The following DPF3 variants were observed in gnomAD, a reference collection of about 807,000 sequenced individuals.
DPF3 encodes the protein double PHD fingers 3.
DPF3 carries 18 observed loss-of-function variants against 56.8 expected under a neutral mutation model. That is an observed-to-expected ratio of 0.32 (90% confidence interval 0.22 to 0.47). The LOEUF is 0.47. Ranked by LOEUF, DPF3 falls within the 20% of genes least tolerant of loss-of-function variation. DPF3 has a pLI of 1.00. For synonymous variants in DPF3, 188 were observed against 180.2 expected, an observed-to-expected ratio of 1.04 and a Z score of -0.35; for missense variants, 403 against 488.8, an observed-to-expected ratio of 0.82 and a Z score of 1.65.
At chr14:72,622,416 A>G (rs755129179) in intron 9 of DPF3, among the ~76,000 whole-genome samples, 3 of 152,206 alleles carry the variant, frequency 2.0e-5, no homozygotes, top group African/African-American at 4.8e-5. Flanking sequence ...CTACAGGACA[A>G]TTTGATTTAG....
At chr14:72,699,072 A>T (rs964000149) in intron 6 of DPF3, among the ~76,000 whole-genome samples, 1 of 152,158 alleles carries the variant, frequency 6.6e-6, no homozygotes, top group Non-Finnish European at 1.5e-5. Context: ...TAGATTTTGG[A>T]GCTGGCAGGG....
At chr14:72,801,410 T>C (rs1892886044) in intron 1 of DPF3, among the ~76,000 whole-genome samples, 1 of 152,204 alleles carries the variant, frequency 6.6e-6, no homozygotes, top group Non-Finnish European at 1.5e-5. Flanking sequence ...GGACAAGGCC[T>C]GTCCCTCAGC....
chr14:72,840,666 G>A (rs1360251850), intron 1 of DPF3, among the ~76,000 whole-genome samples: 1 of 152,054 alleles, frequency 6.6e-6, no homozygotes, highest in African/African-American at 2.4e-5. Context: ...CCTTTTAATG[G>A]TTCTGTTATA....
chr14:72,626,093 G>A (rs1027232185), intron 9 of DPF3, among the ~76,000 whole-genome samples: 4 of 151,918 alleles, frequency 2.6e-5, no homozygotes, highest in South Asian at 2.1e-4. Flanking sequence ...ATCTATTTAC[G>A]TTATACTGTT....
chr14:72,782,634 A>G (rs1197206072), intron 1 of DPF3, among the ~76,000 whole-genome samples: 2 of 152,210 alleles, frequency 1.3e-5, no homozygotes, highest in Non-Finnish European at 2.9e-5. Flanking sequence ...GGAGTTCGAG[A>G]TCAGCCTGGC....
At chr14:72,890,144 T>C in intron 1 of DPF3, among the ~76,000 whole-genome samples, 1 of 152,146 alleles carries the variant, frequency 6.6e-6, no homozygotes, top group Middle Eastern at 3.2e-3. Context: ...GATTGCAGAT[T>C]TGGGGGAAGG....
At chr14:72,854,556 A>T (rs1398005789) in intron 1 of DPF3, among the ~76,000 whole-genome samples, 1 of 152,216 alleles carries the variant, frequency 6.6e-6, no homozygotes, top group Non-Finnish European at 1.5e-5. Flanking sequence ...AAACAGGTTG[A>T]AGTGATAAGC....
chr14:72,677,427 A>C (rs1383913958), intron 7 of DPF3, among the ~76,000 whole-genome samples: 1 of 152,176 alleles, frequency 6.6e-6, no homozygotes, highest in South Asian at 2.1e-4. Context: ...AGCTCTCCCA[A>C]ACTTCAGCTA....
chr14:72,791,454 G>A (rs1429764851), intron 1 of DPF3, among the ~76,000 whole-genome samples: 1 of 152,220 alleles, frequency 6.6e-6, no homozygotes, highest in African/African-American at 2.4e-5. Context: ...GCCCCACCAG[G>A]GAGAGCAGTG....
rs1024813976 is a variant in DPF3, at chr14:72,611,480, G to A, written c.*7817C>T. On this transcript the variant is annotated 3_prime_UTR_variant, in exon 11 of 11. Transcript: ENST00000556509. Reference sequence around the variant, plus strand: ...GGGGCAGCTGACCTTGCTGGGGTCTGGTGGAGTGTGCCCAATCTGTACTTG... The same window carrying A: ...GGGGCAGCTGACCTTGCTGGGGTCTAGTGGAGTGTGCCCAATCTGTACTTG... Among the ~76,000 whole-genome samples, 1 of 152,164 alleles carries A rather than the reference G, an allele frequency of 6.6e-6. No individual in the cohort carries two copies. Among genetic ancestry groups the A allele is most frequent in the Admixed American group, 6.5e-5 (1 of 15,284 alleles).
chr14:72,838,909 T>TATATATATATATATATATATA (rs1491369142), intron 1 of DPF3, among the ~76,000 whole-genome samples: 27 of 7,640 alleles, frequency 3.5e-3, no homozygotes, highest in East Asian at 6.9e-3. Context: ...ATATATATTC[T>TATATATATATATATATATATA]TTTTTTTTTT....
intron 3 of DPF3, among the ~76,000 whole-genome samples, chr14:72,734,791 A>C (rs866035957): frequency 6.3e-4 from 96 of 152,286 alleles, no homozygotes; most frequent in African/African-American, 2.2e-3. Flanking sequence ...GTTGCCACTG[A>C]AATCACGACA....
intron 8 of DPF3, among the ~76,000 whole-genome samples, chr14:72,668,388 ACT>A (rs148716948): frequency 0.012 from 1,760 of 152,294 alleles, 77 homozygotes; most frequent in East Asian, 0.084. Flanking sequence ...CCGTTCAAAG[ACT>A]CTATAAGCAA....
chr14:72,705,735 G>C (rs887158762), intron 6 of DPF3, among the ~76,000 whole-genome samples: 4 of 152,238 alleles, frequency 2.6e-5, no homozygotes, highest in Non-Finnish European at 4.4e-5. Context: ...AAGCACCACT[G>C]TGCTGGGGCT....
intron 1 of DPF3, among the ~76,000 whole-genome samples, chr14:72,863,087 T>C (rs7493578): frequency 1.7e-5 from 1 of 60,388 alleles, no homozygotes; most frequent in Non-Finnish European, 3.6e-5. Context: ...TATATATATA[T>C]ATATATATAT....
chr14:72,827,822 T>C (rs912543224), intron 1 of DPF3, among the ~76,000 whole-genome samples: 3 of 152,070 alleles, frequency 2.0e-5, no homozygotes, highest in Admixed American at 1.3e-4. Context: ...TGTAGTAGTT[T>C]ATGCCTGTAC....
intron 1 of DPF3, chr14:72,773,988 A>C (rs1315849014): frequency 6.6e-6 from 3 of 454,466 alleles, no homozygotes; most frequent in African/African-American, 2.0e-5. Flanking sequence ...ATATCTTTTC[A>C]AAACCCTGCT....
chr14:72,712,860 G>A (rs905956340), intron 6 of DPF3, among the ~76,000 whole-genome samples: 5 of 152,224 alleles, frequency 3.3e-5, no homozygotes, highest in African/African-American at 4.8e-5. Context: ...GGGTGACAAC[G>A]CAAGAGCGTC....
At chr14:72,858,497 G>A (rs571660346) in intron 1 of DPF3, among the ~76,000 whole-genome samples, 3 of 152,194 alleles carry the variant, frequency 2.0e-5, no homozygotes, top group South Asian at 4.2e-4. Flanking sequence ...GTGGGCCATC[G>A]TATTCCATCA....
Sources: gnomAD v4.1 joint callset for allele counts (sites outside exome capture counted in the v4.1 genomes callset) on GRCh38, gnomAD v4.1.1 for gene constraint, MANE v1.5 for transcripts, NCBI Gene and HGNC (gene_info 2026-07-23, HGNC 2026-07-21) for gene names.